Variants in STIM2 observed in about 807,000 individuals in gnomAD.
The protein encoded by STIM2 is stromal interaction molecule 2.
STIM2 carries 31 observed loss-of-function variants against 85.8 expected under a neutral mutation model. That is an observed-to-expected ratio of 0.36 (90% CI 0.27 to 0.49). STIM2 has a LOEUF of 0.49. Among genes scored for constraint, STIM2 ranks in the 20% least tolerant of loss-of-function variants. The probability of loss-of-function intolerance (pLI) is 0.98; values close to 1 mark genes in which losing one functional copy is unlikely to be tolerated. For synonymous variants in STIM2, 356 were observed against 331.1 expected (o/e 1.08, Z -0.82); for missense variants, 841 against 927.6 (o/e 0.91, Z 1.21).
chr4:26,921,105 G>A (rs1724777911), intron 2 of STIM2, among the ~76,000 whole-genome samples: 3 of 152,216 alleles, frequency 2.0e-5, no homozygotes, highest in African/African-American at 7.2e-5. Flanking sequence ...TCTGCTAAGA[G>A]AGGAGAACGC....
At chr4:26,863,962 A>G (rs1722306975) in intron 1 of STIM2, among the ~76,000 whole-genome samples, 1 of 152,104 alleles carries the variant, frequency 6.6e-6, no homozygotes, top group Admixed American at 6.5e-5. Flanking sequence ...TGTATAAAAC[A>G]TTCTTTTTCA....
Position 27,024,047 on chromosome 4 carries a change from T to C in STIM2, c.*1051T>C, listed in dbSNP as rs753380438. 1 of 152,678 alleles carries C rather than the reference T, an allele frequency of 6.5e-6. No individual in the cohort carries two copies. The highest frequency in any genetic ancestry group is 1.5e-5 in the Non-Finnish European group (1 of 68,046). 9.5% of individuals were successfully genotyped at this position (152,678 alleles called of 1,614,324 possible). A position where few individuals can be genotyped will look rare whatever the true frequency, so the allele number is the denominator to read the frequency against. ...CTGTGTAAGCTGTCTTGTTGCTTAG[T>C]TGCAATATAAGAAATAGTGATGTTT... is the stretch of plus-strand genomic sequence containing the variant. On this transcript the variant is annotated 3_prime_UTR_variant, in exon 12 of 12. Coordinates refer to ENST00000467087, the MANE Select transcript of STIM2 (RefSeq NM_020860.4).
intron 4 of STIM2, among the ~76,000 whole-genome samples, chr4:26,996,907 G>A (rs1431009223): frequency 6.6e-6 from 1 of 152,120 alleles, no homozygotes; most frequent in East Asian, 1.9e-4. Context: ...CAGTGTTATA[G>A]CTACTCATTT....
intron 1 of STIM2, among the ~76,000 whole-genome samples, chr4:26,898,762 A>T (rs1401293006): frequency 3.3e-5 from 5 of 151,976 alleles, no homozygotes; most frequent in Non-Finnish European, 7.4e-5. Flanking sequence ...TCATTTCTTT[A>T]TGTATCATTT....
chr4:26,888,756 A>AAG (rs2109042900), intron 1 of STIM2, among the ~76,000 whole-genome samples: 2 of 152,352 alleles, frequency 1.3e-5, no homozygotes, highest in East Asian at 3.9e-4. Context: ...AGAGCATGGC[A>AAG]GTAATTACAA....
In STIM2 at chr4:26,961,634, AG is replaced by A. The variant is rs553704356; in HGVS notation, c.397+3911del. ...TATGTACAATAATAGCAGTAAGTTTAGGGTATGGAGGTAGCTCACTGGAGGG... is the reference window on the plus strand; with the variant it reads ...TATGTACAATAATAGCAGTAAGTTTAGGTATGGAGGTAGCTCACTGGAGGG... On this transcript the variant is annotated intron_variant, in intron 3 of 11. Transcript: ENST00000467087. Among the ~76,000 whole-genome samples, 14 of 152,338 alleles carry A rather than the reference AG, an allele frequency of 9.2e-5. No individual in the cohort carries two copies. The South Asian group carries it at 2.9e-3, about 32-fold the overall frequency.
At position 26,919,508 on chromosome 4, in the gene STIM2, C is replaced by G. The variant is rs1223558588; in HGVS notation, c.156C>G (p.Pro52=). 1.9e-6 allele frequency: 3 copies of G among 1,613,318 alleles called. No homozygotes were observed. In the South Asian group the frequency reaches 3.3e-5, roughly 18 times the overall value. The stretch of plus-strand genomic sequence containing the variant: ...TTGCCCTTTGTTCTCTTTCAGATCC[C>G]TGCATGTCACTGAGTCCACCATGCT... Residue 52 remains proline (P), a synonymous_variant, in exon 2 of 12, where the codon CCC becomes CCG. Coordinates refer to ENST00000467087, the MANE Select transcript of STIM2 (RefSeq NM_020860.4).
chr4:26,959,013 A>C (rs148282021), intron 3 of STIM2, among the ~76,000 whole-genome samples: 1 of 152,212 alleles, frequency 6.6e-6, no homozygotes, highest in East Asian at 1.9e-4. Flanking sequence ...TTCAGCCACC[A>C]TCGTCTCTTG....
chr4:27,014,507 A>C (rs532292323), intron 10 of STIM2, among the ~76,000 whole-genome samples: 6 of 151,862 alleles, frequency 4.0e-5, no homozygotes, highest in African/African-American at 1.4e-4. Context: ...GGTTTTAAAA[A>C]CATCTTTGCC....
chr4:26,928,737 G>C (rs1003802852), intron 2 of STIM2, among the ~76,000 whole-genome samples: 3 of 152,160 alleles, frequency 2.0e-5, no homozygotes, highest in Non-Finnish European at 4.4e-5. Flanking sequence ...ATACATGGCT[G>C]TGTAATTTAT....
At chr4:26,866,947 TAGG>T (rs1451747051) in intron 1 of STIM2, among the ~76,000 whole-genome samples, 1 of 152,150 alleles carries the variant, frequency 6.6e-6, no homozygotes, top group Admixed American at 6.5e-5. Flanking sequence ...ATCCTGTCAT[TAGG>T]AGGTGAGAGG....
chr4:26,861,060 G>A lies in STIM2; in HGVS notation c.-159G>A. 8.4e-7 allele frequency: 1 copy of A among 1,186,102 alleles called. No homozygotes were observed. The highest frequency in any genetic ancestry group is 1.6e-5 in the African/African-American group (1 of 61,706). 73.5% of individuals were successfully genotyped at this position (1,186,102 alleles called of 1,614,324 possible). ...TCTGAGGCGGCGGGGGCGGCCGGAG[G>A]AGTCGCCGGCGGCGGTGGTGGCGCC... is the stretch of plus-strand genomic sequence containing the variant. On this transcript the variant is annotated 5_prime_UTR_variant, in exon 1 of 12. Transcript: ENST00000467087.
At position 27,023,101 on chromosome 4, in the gene STIM2, C is replaced by T. The variant is rs1179420858; in HGVS notation, c.*105C>T. ...TGGTTTAATTTTAGGAATGTAACTCCATTGGGGCTTTCCAGGCCGGATGCC... is the reference window on the plus strand; with the variant it reads ...TGGTTTAATTTTAGGAATGTAACTCTATTGGGGCTTTCCAGGCCGGATGCC... On this transcript the variant is annotated 3_prime_UTR_variant, in exon 12 of 12. Transcript: ENST00000467087. The T allele has an allele frequency of 1.8e-6, 2 of 1,118,372 alleles. No individual in the cohort carries two copies. The highest frequency in any genetic ancestry group is 1.3e-6 in the Non-Finnish European group (1 of 782,380). The allele number at this position is 1,118,372 out of a possible 1,614,324, so 69.3% of individuals were successfully genotyped here. A position where few individuals can be genotyped will look rare whatever the true frequency, so the allele number is the denominator to read the frequency against.
chr4:26,886,342 T>A (rs1723251837), intron 1 of STIM2, among the ~76,000 whole-genome samples: 1 of 149,486 alleles, frequency 6.7e-6, no homozygotes, highest in Non-Finnish European at 1.5e-5. Flanking sequence ...AAGAAAACGA[T>A]GAGCTTAATT....
intron 1 of STIM2, among the ~76,000 whole-genome samples, chr4:26,880,697 A>G (rs1030309325): frequency 6.8e-5 from 10 of 147,282 alleles, no homozygotes; most frequent in Non-Finnish European, 1.2e-4. Context: ...ATATATATGT[A>G]TATATATATC....
chr4:27,015,639 C>T (rs541417765), intron 10 of STIM2, among the ~76,000 whole-genome samples: 8 of 151,978 alleles, frequency 5.3e-5, no homozygotes, highest in Admixed American at 4.6e-4. Flanking sequence ...TTGAGGTTGT[C>T]ATTGTTGCTG....
chr4:27,008,664 A>G (rs2109137115), intron 9 of STIM2, 100 bp from the exon 10 acceptor site: 1 of 1,230,714 alleles, frequency 8.1e-7, no homozygotes, highest in Middle Eastern at 2.1e-4. Context: ...TTCTTCTTGA[A>G]ATTAGTTAAT....
At chr4:26,947,838 G>A (rs540947746) in intron 2 of STIM2, among the ~76,000 whole-genome samples, 46 of 152,194 alleles carry the variant, frequency 3.0e-4, no homozygotes, top group African/African-American at 1.0e-3. Flanking sequence ...TGTTCCAGAG[G>A]CAACTTGACT....
intron 3 of STIM2, among the ~76,000 whole-genome samples, chr4:26,993,168 A>G (rs1023357992): frequency 2.0e-5 from 3 of 152,074 alleles, no homozygotes; most frequent in Non-Finnish European, 4.4e-5. Context: ...GGACAGGGCA[A>G]TTCTCAATGC....
Sources: gnomAD v4.1 joint callset for allele counts (sites outside exome capture counted in the v4.1 genomes callset) on GRCh38, gnomAD v4.1.1 for gene constraint, MANE v1.5 for transcripts, NCBI Gene and HGNC (gene_info 2026-07-23, HGNC 2026-07-21) for gene names.